The following FUT8 variants were observed in gnomAD, a reference collection of about 807,000 sequenced individuals.
FUT8 encodes the protein alpha-(1,6)-fucosyltransferase.
FUT8 carries 29 observed loss-of-function variants against 71.3 expected under a neutral mutation model. That is an observed-to-expected ratio of 0.41 (90% confidence interval 0.30 to 0.55). FUT8 has a LOEUF of 0.55. FUT8 is among the 20% of genes least tolerant of loss of function. The pLI, the probability that FUT8 is intolerant of heterozygous loss-of-function variation, is 0.34. For missense variants in FUT8, 544 were observed against 702.1 expected, an observed-to-expected ratio of 0.77 and a Z score of 2.55; for synonymous variants, 254 against 239.3, an observed-to-expected ratio of 1.06 and a Z score of -0.57.
chr14:65,704,715 A>C (rs1426633270), intron 7 of FUT8, among the ~76,000 whole-genome samples: 1 of 152,172 alleles, frequency 6.6e-6, no homozygotes, highest in Non-Finnish European at 1.5e-5. Context: ...TAAATGGCTA[A>C]ATTTGTTTTA....
chr14:65,610,283 G>A (rs745439208), intron 3 of FUT8, among the ~76,000 whole-genome samples: 26 of 151,700 alleles, frequency 1.7e-4, no homozygotes, highest in African/African-American at 2.9e-4. Flanking sequence ...GATATTAGGG[G>A]CAATATATTT....
intron 3 of FUT8, among the ~76,000 whole-genome samples, chr14:65,611,109 C>A (rs1888865237): frequency 6.6e-6 from 1 of 150,970 alleles, no homozygotes; most frequent in South Asian, 2.1e-4. Context: ...CACATCCTAC[C>A]AACCACCTCT....
upstream of FUT8, chr14:65,412,343 C>T (rs1595336631): frequency 2.2e-6 from 1 of 456,114 alleles, no homozygotes. Context: ...GCGGGTGCCC[C>T]CTAGGGCCGC....
chr14:65,574,315 T>A lies in FUT8; in HGVS notation c.203+12549T>A, dbSNP rs1886641885. On this transcript the variant is annotated intron_variant, in intron 3 of 10. Coordinates refer to ENST00000673929, the MANE Select transcript of FUT8 (RefSeq NM_001371533.1). The surrounding 1 kb of genome is among the most constrained non-coding windows in gnomAD (Gnocchi z 5.2). Reference sequence around the variant, plus strand: ...ACATTCCATCATCTTTGCAATATTCTATTGATTAGAGCAAATCACAGGTCC... The same window carrying A: ...ACATTCCATCATCTTTGCAATATTCAATTGATTAGAGCAAATCACAGGTCC... Among the ~76,000 whole-genome samples the A allele has an allele frequency of 6.6e-6, 1 of 152,150 alleles. No homozygotes were observed. The highest frequency in any genetic ancestry group is 6.5e-5 in the Admixed American group (1 of 15,272).
intron 2 of FUT8, among the ~76,000 whole-genome samples, chr14:65,530,782 G>T (rs997833157): frequency 6.6e-6 from 1 of 150,660 alleles, no homozygotes; most frequent in Non-Finnish European, 1.5e-5. Flanking sequence ...GTGCTCTTGC[G>T]TGTATGCTCT....
the FUT8 span, among the ~76,000 whole-genome samples, chr14:65,368,907 G>A: frequency 2.0e-5 from 3 of 152,286 alleles, no homozygotes; most frequent in South Asian, 4.1e-4. Context: ...CAATCCACCC[G>A]CCTTGGCCTC....
chr14:65,501,894 T>C (rs1158510238), intron 2 of FUT8, among the ~76,000 whole-genome samples: 1 of 81,508 alleles, frequency 1.2e-5, no homozygotes, highest in Non-Finnish European at 2.7e-5. Context: ...GAGACGGGTC[T>C]ACTTTGTCTT....
Position 65,691,977 on chromosome 14 carries a change from A to C in FUT8, c.835+22497A>C, listed in dbSNP as rs534513080. ...AGAATTTTTCTTAGTACAGAACAAA[A>C]TGAAAAGTCTCCCATGTCTACTTCT... is the stretch of plus-strand genomic sequence containing the variant. On this transcript the variant is annotated intron_variant, in intron 7 of 10. Coordinates refer to ENST00000673929, the MANE Select transcript of FUT8 (RefSeq NM_001371533.1). Among the ~76,000 whole-genome samples the C allele has an allele frequency of 2.6e-5, 4 of 152,232 alleles. No homozygotes were observed. In the East Asian group the frequency reaches 7.7e-4, roughly 29 times the overall value.
intron 2 of FUT8, among the ~76,000 whole-genome samples, chr14:65,458,953 T>C (rs1332892033): frequency 6.6e-6 from 1 of 152,162 alleles, no homozygotes; most frequent in African/African-American, 2.4e-5. Flanking sequence ...CATGCCCAGC[T>C]AATTTTTGTA....
At chr14:65,508,491 GTTTTTTTT>G (rs34809476) in intron 2 of FUT8, among the ~76,000 whole-genome samples, 1 of 46,492 alleles carries the variant, frequency 2.2e-5, no homozygotes, top group Non-Finnish European at 3.9e-5. Context: ...AGTTGTTTGA[GTTTTTTTT>G]TTTTTTTTTT....
At position 65,711,949 on chromosome 14, in the gene FUT8, A is replaced by G. The variant is rs12431772; in HGVS notation, c.836-9826A>G. Among the ~76,000 whole-genome samples, 868 of 152,370 alleles carry G rather than the reference A, an allele frequency of 5.7e-3. 28 individuals carry two copies. The East Asian group carries it at 0.092, about 16-fold the overall frequency. On this transcript the variant is annotated intron_variant, in intron 7 of 10. Transcript: ENST00000673929. ...ATTTTAAAACATTTTGCATATATACAGGAAAACAATTTGAAGACTGTGTTT... is the reference window on the plus strand; with the variant it reads ...ATTTTAAAACATTTTGCATATATACGGGAAAACAATTTGAAGACTGTGTTT...
chr14:65,559,761 T>A (rs1885802784), intron 2 of FUT8, among the ~76,000 whole-genome samples: 1 of 152,084 alleles, frequency 6.6e-6, no homozygotes, highest in East Asian at 1.9e-4. Context: ...TTTTTTTACA[T>A]AAGATGAAAA....
At chr14:65,620,325 A>T (rs906044324) in intron 5 of FUT8, among the ~76,000 whole-genome samples, 1 of 152,140 alleles carries the variant, frequency 6.6e-6, no homozygotes, top group Non-Finnish European at 1.5e-5. Context: ...CCTAGTTTGC[A>T]TTTCTCATTA....
At chr14:65,674,143 G>A (rs1892603155) in intron 7 of FUT8, among the ~76,000 whole-genome samples, 2 of 152,104 alleles carry the variant, frequency 1.3e-5, no homozygotes, top group African/African-American at 2.4e-5. Context: ...CTATAGATAT[G>A]CATATGTTAA....
chr14:65,548,736 TA>T (rs958359063), intron 2 of FUT8, among the ~76,000 whole-genome samples: 12 of 152,090 alleles, frequency 7.9e-5, no homozygotes, highest in Admixed American at 4.6e-4. Flanking sequence ...GTATTATATT[TA>T]AAAAATTTAA....
the FUT8 span, among the ~76,000 whole-genome samples, chr14:65,369,653 A>G: frequency 1.1e-4 from 17 of 152,322 alleles, no homozygotes; most frequent in East Asian, 3.3e-3. This position sits in a 1 kb window ranked among gnomAD's most constrained non-coding sequence, Gnocchi z 4.6. Context: ...ATTACATGCT[A>G]AGACTCTCCT....
chr14:65,565,625 C>G (rs1886153175), intron 3 of FUT8, among the ~76,000 whole-genome samples: 2 of 152,040 alleles, frequency 1.3e-5, no homozygotes, highest in South Asian at 2.1e-4. Context: ...GAAATTCCTA[C>G]CAGAAATTCT....
At chr14:65,526,779 A>G (rs1883501309) in intron 2 of FUT8, among the ~76,000 whole-genome samples, 1 of 152,042 alleles carries the variant, frequency 6.6e-6, no homozygotes, top group Non-Finnish European at 1.5e-5. Context: ...ATCTCTCAGC[A>G]TTTGCTTGTC....
chr14:65,739,896 G>A (rs1896408027), intron 10 of FUT8, among the ~76,000 whole-genome samples: 1 of 151,992 alleles, frequency 6.6e-6, no homozygotes. Flanking sequence ...AATTTTATGG[G>A]GATGCTGAAA....
Sources: allele counts gnomAD v4.1 joint callset (sites outside exome capture counted in the v4.1 genomes callset), GRCh38; gene constraint gnomAD v4.1.1; non-coding constraint Gnocchi (gnomAD v3.1); transcripts MANE v1.5; gene names NCBI Gene and HGNC (gene_info 2026-07-23, HGNC 2026-07-21).